SPTBN1: variants seen among roughly 807,000 people sequenced by gnomAD.
SPTBN1 encodes spectrin beta, non-erythrocytic 1.
SPTBN1 carries 32 observed loss-of-function variants against 266.4 expected under a neutral mutation model. The observed-to-expected ratio is 0.12, with a 90% confidence interval of 0.09 to 0.16. The LOEUF is 0.16. SPTBN1 is among the 10% of genes least tolerant of loss of function. The pLI is 1.00. For missense variants in SPTBN1, 2,296 were observed against 3,067.1 expected (o/e 0.75, Z 5.94); for synonymous variants, 1,336 against 1,162.2 (o/e 1.15, Z -3.04).
chr2:54,483,409 G>A (rs930897368), intron 1 of SPTBN1, among the ~76,000 whole-genome samples: 6 of 152,220 alleles, frequency 3.9e-5, no homozygotes, highest in Admixed American at 3.3e-4. Context: ...AACATGAAGT[G>A]TATACCAAAG....
chr2:54,531,759 C>A (rs868318632), intron 2 of SPTBN1, among the ~76,000 whole-genome samples: 4 of 152,046 alleles, frequency 2.6e-5, no homozygotes, highest in African/African-American at 9.7e-5. Flanking sequence ...CAGTCTGATT[C>A]ATATCTGCGT....
chr2:54,657,397 G>A (rs191185919), intron 29 of SPTBN1, among the ~76,000 whole-genome samples: 7 of 152,290 alleles, frequency 4.6e-5, no homozygotes, highest in East Asian at 1.9e-4. Context: ...TGAACAGAGC[G>A]TTCACTGTAG....
chr2:54,472,173 A>G (rs1045721292), intron 1 of SPTBN1, among the ~76,000 whole-genome samples: 3 of 151,504 alleles, frequency 2.0e-5, no homozygotes, highest in African/African-American at 7.3e-5. Flanking sequence ...GACTACAGGC[A>G]CCCACCACCA....
rs550700656 is a variant in SPTBN1 at position 54,466,249 on chromosome 2, T to C, written c.-48+9731T>C. Among the ~76,000 whole-genome samples, 16 of 152,312 alleles carry C rather than the reference T, an allele frequency of 1.1e-4. No individual in the cohort carries two copies. In the South Asian group the frequency reaches 3.3e-3, roughly 32 times the overall value. On this transcript the variant is annotated intron_variant, in intron 1 of 35. Coordinates refer to ENST00000356805, the MANE Select transcript of SPTBN1 (RefSeq NM_003128.3). ...AACATAACTATAGATTTTTACCCAATAGATCAATTAGTATGAAATTTAGGA... is the reference window on the plus strand; with the variant it reads ...AACATAACTATAGATTTTTACCCAACAGATCAATTAGTATGAAATTTAGGA...
At chr2:54,572,808 C>T (rs1265897876) in intron 2 of SPTBN1, among the ~76,000 whole-genome samples, 1 of 152,150 alleles carries the variant, frequency 6.6e-6, no homozygotes, top group Non-Finnish European at 1.5e-5. Flanking sequence ...GAGTTCTTGG[C>T]TACAGAACCA....
Position 54,631,060 on chromosome 2 carries a change from T to C in SPTBN1, c.3013T>C (p.Leu1005=), listed in dbSNP as rs778059880. The C allele has an allele frequency of 1.1e-5, 18 of 1,613,834 alleles. No individual in the cohort carries two copies. In the South Asian group the frequency reaches 2.0e-4, roughly 18 times the overall value. ...CAAGCTGACCGGCATGGAGCGGGAC[T>C]TGGTGGCCATTGAGGCAAAGCTGAG... is the stretch of plus-strand genomic sequence containing the variant. ...QRKLTGMERD[L]VAIEAKLSDL... is the part of the protein sequence containing the mutation. The change falls in exon 16 of 36, where the codon TTG becomes CTG. Residue 1005 remains leucine, a synonymous_variant. Coordinates refer to ENST00000356805, the MANE Select transcript of SPTBN1 (RefSeq NM_003128.3).
chr2:54,659,092 AC>A, intron 30 of SPTBN1, 61 bp from the exon 31 acceptor site: 2 of 1,585,028 alleles, frequency 1.3e-6, no homozygotes, highest in South Asian at 2.2e-5. Flanking sequence ...GGTTCCTAGA[AC>A]CTTTTTCTGA....
chr2:54,577,476 C>T (rs983497848), intron 2 of SPTBN1, among the ~76,000 whole-genome samples: 23 of 152,180 alleles, frequency 1.5e-4, no homozygotes, highest in Non-Finnish European at 1.2e-4. Context: ...TATGGATTCT[C>T]ATGCAAAGAG....
At chr2:54,576,976 T>G (rs928037600) in intron 2 of SPTBN1, among the ~76,000 whole-genome samples, 1 of 151,924 alleles carries the variant, frequency 6.6e-6, no homozygotes, top group African/African-American at 2.4e-5. Context: ...TGCTTGGGGG[T>G]AGGGGTGTAC....
In SPTBN1 at chr2:54,617,699, A is replaced by G. The variant is rs1677697505; in HGVS notation, c.647+11A>G. The G allele has an allele frequency of 6.2e-7, 1 of 1,613,414 alleles. No homozygotes were observed. Among genetic ancestry groups the G allele is most frequent in the Non-Finnish European group, 8.5e-7 (1 of 1,179,518 alleles). ...GATACACAAACACCGGTAAGTCCATACAAATCATCCTAGCAATCGTGGGGT... is the reference window on the plus strand; with the variant it reads ...GATACACAAACACCGGTAAGTCCATGCAAATCATCCTAGCAATCGTGGGGT... On this transcript the variant is annotated intron_variant, in intron 6 of 35. Coordinates refer to ENST00000356805, the MANE Select transcript of SPTBN1 (RefSeq NM_003128.3).
intron 2 of SPTBN1, among the ~76,000 whole-genome samples, chr2:54,589,405 C>T (rs940151861): frequency 3.3e-5 from 5 of 152,152 alleles, no homozygotes; most frequent in African/African-American, 1.2e-4. Context: ...GGGGTTGTGC[C>T]GCTCAGAAGA....
At chr2:54,552,573 C>T (rs1672639372) in intron 2 of SPTBN1, among the ~76,000 whole-genome samples, 1 of 152,044 alleles carries the variant, frequency 6.6e-6, no homozygotes, top group South Asian at 2.1e-4. Flanking sequence ...TCTCCTGCCT[C>T]AGCCTCCTGA....
intron 17 of SPTBN1, among the ~76,000 whole-genome samples, chr2:54,633,420 T>TGTGTGC (rs1422971949): frequency 7.2e-6 from 1 of 138,780 alleles, no homozygotes; most frequent in Non-Finnish European, 1.6e-5. Context: ...TGTGTGTGTG[T>TGTGTGC]GTGTGCGTGT....
chr2:54,479,534 A>G (rs1460463476), intron 1 of SPTBN1, among the ~76,000 whole-genome samples: 1 of 152,034 alleles, frequency 6.6e-6, no homozygotes, highest in Non-Finnish European at 1.5e-5. Context: ...ATGAAAGGAG[A>G]CACTTTTAAT....
chr2:54,485,572 C>T (rs570313152), intron 1 of SPTBN1, among the ~76,000 whole-genome samples: 1 of 152,346 alleles, frequency 6.6e-6, no homozygotes, highest in African/African-American at 2.4e-5. Flanking sequence ...CTGCCTTGGC[C>T]TCCCAAAGTG....
intron 3 of SPTBN1, among the ~76,000 whole-genome samples, chr2:54,605,789 A>T (rs1676796371): frequency 6.6e-6 from 1 of 152,200 alleles, no homozygotes; most frequent in African/African-American, 2.4e-5. Flanking sequence ...TAGTACCACC[A>T]GGAGGTCATC....
At chr2:54,553,000 C>G (rs928367023) in intron 2 of SPTBN1, among the ~76,000 whole-genome samples, 3 of 152,184 alleles carry the variant, frequency 2.0e-5, no homozygotes, top group Non-Finnish European at 4.4e-5. Context: ...AGGCAGGTAG[C>G]AATGGCATAG....
At chr2:54,590,577 T>C (rs1479868524) in intron 2 of SPTBN1, among the ~76,000 whole-genome samples, 2 of 152,188 alleles carry the variant, frequency 1.3e-5, no homozygotes, top group Non-Finnish European at 2.9e-5. Context: ...CAAATGATGA[T>C]TGCTGACATC....
At position 54,457,153 on chromosome 2, in the gene SPTBN1, G is replaced by GCCCCCC. The variant is rs1217190444; in HGVS notation, c.-48+640_-48+645dup. On this transcript the variant is annotated intron_variant, in intron 1 of 35. Coordinates refer to ENST00000356805, the MANE Select transcript of SPTBN1 (RefSeq NM_003128.3). ...CTGCGCTTGCTACCCTCGTGCGCCC[G>GCCCCCC]CCCCCCCCCCGCCCTTTCTGCCGTC... is the stretch of plus-strand genomic sequence containing the variant. The GCCCCCC allele has an allele frequency of 1.4e-3, 69 of 49,690 alleles. 2 individuals carry two copies. Among genetic ancestry groups the GCCCCCC allele is most frequent in the African/African-American group, 5.6e-3 (60 of 10,750 alleles). 3.1% of individuals were successfully genotyped at this position (49,690 alleles called of 1,614,324 possible).
Sources: allele counts gnomAD v4.1 joint callset (sites outside exome capture counted in the v4.1 genomes callset), GRCh38; gene constraint gnomAD v4.1.1; transcripts MANE v1.5; gene names NCBI Gene and HGNC (gene_info 2026-07-23, HGNC 2026-07-21).